XKR4: variants seen among roughly 807,000 people sequenced by gnomAD.
The protein encoded by XKR4 is XK-related protein 4.
A neutral mutation model predicts 53.9 loss-of-function variants in XKR4; 12 were observed. The ratio of observed to expected loss-of-function variants is 0.22; its 90% CI spans 0.14 to 0.36. The LOEUF (loss-of-function observed/expected upper bound fraction) is 0.36, where lower values mean the gene tolerates loss of function less well. Ranked by LOEUF, XKR4 falls within the 10% of genes least tolerant of loss-of-function variation. The probability of loss-of-function intolerance (pLI) is 1.00; values close to 1 mark genes in which losing one functional copy is unlikely to be tolerated. For synonymous variants in XKR4, 354 were observed against 362.4 expected, an observed-to-expected ratio of 0.98 and a Z score of 0.26; for missense variants, 799 against 859.5, an observed-to-expected ratio of 0.93 and a Z score of 0.88.
intron 2 of XKR4, among the ~76,000 whole-genome samples, chr8:55,382,061 A>G (rs1804243235): frequency 1.3e-5 from 2 of 152,248 alleles, no homozygotes; most frequent in African/African-American, 2.4e-5. Context: ...TTTAAATACT[A>G]CAATTAAAGG....
intron 1 of XKR4, among the ~76,000 whole-genome samples, chr8:55,356,096 G>A (rs997048635): frequency 5.3e-5 from 8 of 152,136 alleles, no homozygotes; most frequent in East Asian, 1.9e-4. Flanking sequence ...GCAAGCTCCA[G>A]ACAACCAAAT....
intron 1 of XKR4, among the ~76,000 whole-genome samples, chr8:55,204,859 C>A (rs1332143406): frequency 3.3e-5 from 5 of 152,146 alleles, no homozygotes; most frequent in African/African-American, 4.8e-5. Flanking sequence ...AAGAATGACT[C>A]GGTGATACAT....
At chr8:55,419,931 C>T in intron 2 of XKR4, among the ~76,000 whole-genome samples, 1 of 152,196 alleles carries the variant, frequency 6.6e-6, no homozygotes. Flanking sequence ...ACAATGATGA[C>T]AGCTGGTAAC....
chr8:55,103,183 A>G lies in XKR4; in HGVS notation c.695A>G (p.Asn232Ser), dbSNP rs1055626545. Residue 232 changes from asparagine (N) to serine (S), a missense_variant, in exon 1 of 3, where the codon AAC (asparagine) becomes AGC (serine). Transcript: ENST00000327381. ...SNIAAANSGS[N>S]SSGATRASGK... ...ATCGCCGCGGCCAACAGCGGCAGCAACAGCAGCGGGGCTACCCGGGCCAGT... is the reference window on the plus strand; with the variant it reads ...ATCGCCGCGGCCAACAGCGGCAGCAGCAGCAGCGGGGCTACCCGGGCCAGT... The G allele has an allele frequency of 6.2e-7, 1 of 1,613,940 alleles. No individual in the cohort carries two copies. Among genetic ancestry groups the G allele is most frequent in the African/African-American group, 1.3e-5 (1 of 74,938 alleles).
chr8:55,276,288 G>T (rs1818762972), intron 1 of XKR4, among the ~76,000 whole-genome samples: 1 of 152,162 alleles, frequency 6.6e-6, no homozygotes, highest in South Asian at 2.1e-4. Flanking sequence ...TTCACCCAGA[G>T]AAACAAAGCT....
At chr8:55,514,963 A>T (rs983462084) in intron 2 of XKR4, among the ~76,000 whole-genome samples, 8 of 152,194 alleles carry the variant, frequency 5.3e-5, no homozygotes, top group African/African-American at 1.9e-4. Context: ...TAAAAAACTA[A>T]ATTTTATAAT....
At chr8:55,103,320 G>A in intron 1 of XKR4, 26 bp downstream of exon 1, 1 of 1,561,576 alleles carries the variant, frequency 6.4e-7, no homozygotes, top group Non-Finnish European at 8.7e-7. Flanking sequence ...GGGGAAAAGG[G>A]AGGCTTGCTG....
At chr8:55,209,850 C>T (rs576809154) in intron 1 of XKR4, among the ~76,000 whole-genome samples, 1 of 152,302 alleles carries the variant, frequency 6.6e-6, no homozygotes, top group African/African-American at 2.4e-5. Context: ...ATGGACAGAC[C>T]AGTATGAGAA....
chr8:55,147,614 C>A (rs1327328846), intron 1 of XKR4, among the ~76,000 whole-genome samples: 1 of 152,154 alleles, frequency 6.6e-6, no homozygotes, highest in Non-Finnish European at 1.5e-5. Context: ...GTCCCTTTCC[C>A]AGGCCTCTAA....
chr8:55,480,907 A>G (rs1806091092), intron 2 of XKR4, among the ~76,000 whole-genome samples: 2 of 152,218 alleles, frequency 1.3e-5, no homozygotes, highest in South Asian at 4.1e-4. Flanking sequence ...GAGGATACAA[A>G]GAAATGGAAG....
chr8:55,187,218 C>T (rs1817390201), intron 1 of XKR4, among the ~76,000 whole-genome samples: 1 of 146,306 alleles, frequency 6.8e-6, no homozygotes, highest in East Asian at 2.0e-4. Context: ...GCGGGGGAAT[C>T]TAGACTGCCA....
chr8:55,448,280 T>A (rs1805374642), intron 2 of XKR4, among the ~76,000 whole-genome samples: 1 of 152,260 alleles, frequency 6.6e-6, no homozygotes, highest in Non-Finnish European at 1.5e-5. Context: ...CTTCTTCCCA[T>A]ACACCTGGAC....
At chr8:55,251,788 C>T (rs1420322649) in intron 1 of XKR4, among the ~76,000 whole-genome samples, 2 of 152,150 alleles carry the variant, frequency 1.3e-5, no homozygotes, top group Admixed American at 6.5e-5. Context: ...TGCTTTATGA[C>T]TCCGCAAATG....
intron 1 of XKR4, among the ~76,000 whole-genome samples, chr8:55,327,507 A>C (rs1052337144): frequency 2.0e-5 from 3 of 152,174 alleles, no homozygotes; most frequent in African/African-American, 7.2e-5. Context: ...TCATTTATTC[A>C]TTGCTGGAGA....
intron 1 of XKR4, among the ~76,000 whole-genome samples, chr8:55,277,750 G>C (rs1818784248): frequency 6.6e-6 from 1 of 151,908 alleles, no homozygotes; most frequent in Non-Finnish European, 1.5e-5. Flanking sequence ...AACACTTCTG[G>C]GTTGTGGAAT....
intron 1 of XKR4, among the ~76,000 whole-genome samples, chr8:55,163,595 CA>C (rs1365974321): frequency 1.3e-5 from 2 of 152,162 alleles, no homozygotes; most frequent in Non-Finnish European, 2.9e-5. Context: ...CCTGTAATCC[CA>C]GCACTTTGGG....
rs542269624 is a variant in XKR4 at position 55,449,685 on chromosome 8, C to T, written c.1007-73596C>T. 6.8e-6 allele frequency: 6 copies of T among 887,058 alleles called. No individual in the cohort carries two copies. In the Admixed American group the frequency reaches 8.5e-5, roughly 13 times the overall value. 54.9% of individuals were successfully genotyped at this position (887,058 alleles called of 1,614,324 possible). A position where few individuals can be genotyped will look rare whatever the true frequency, so the allele number is the denominator to read the frequency against. On this transcript the variant is annotated intron_variant, in intron 2 of 2. Transcript: ENST00000327381. ...CCAGGTGCCACAGCCTCCACCTCCA[C>T]CTCCACCAGGTCGATGACACCCTTG... is the stretch of plus-strand genomic sequence containing the variant.
At chr8:55,372,736 A>AT in intron 2 of XKR4, among the ~76,000 whole-genome samples, 1 of 152,302 alleles carries the variant, frequency 6.6e-6, no homozygotes, top group South Asian at 2.1e-4. Flanking sequence ...TATTAGACTG[A>AT]TTTTAAAAGT....
intron 1 of XKR4, among the ~76,000 whole-genome samples, chr8:55,341,143 G>C (rs997398573): frequency 6.6e-6 from 1 of 152,136 alleles, no homozygotes; most frequent in Non-Finnish European, 1.5e-5. Context: ...TTTATTTAAA[G>C]GTGGTCCCAG....
Sources: gnomAD v4.1 joint callset for allele counts (sites outside exome capture counted in the v4.1 genomes callset) on GRCh38, gnomAD v4.1.1 for gene constraint, MANE v1.5 for transcripts, NCBI Gene and HGNC (gene_info 2026-07-23, HGNC 2026-07-21) for gene names.